MACROD2: variants seen among roughly 807,000 people sequenced by gnomAD.
The protein encoded by MACROD2 is ADP-ribose glycohydrolase MACROD2.
In MACROD2, 36 loss-of-function variants were observed where a neutral mutation model predicts 70.4. That is an observed-to-expected ratio of 0.51 (90% CI 0.39 to 0.68). The LOEUF is 0.68. Among genes scored for constraint, MACROD2 ranks in the 30% least tolerant of loss-of-function variants. The probability of loss-of-function intolerance (pLI) is 0.00; values close to 1 mark genes in which losing one functional copy is unlikely to be tolerated. For missense variants in MACROD2, 496 were observed against 538.4 expected (o/e 0.92, Z 0.78); for synonymous variants, 172 against 178.8 (o/e 0.96, Z 0.30).
intron 3 of MACROD2, among the ~76,000 whole-genome samples, chr20:14,480,615 A>G (rs1187933574): frequency 6.6e-6 from 1 of 152,174 alleles, no homozygotes; most frequent in Non-Finnish European, 1.5e-5. Flanking sequence ...CTTCTGTCTG[A>G]GATTAATATC....
chr20:15,483,930 A>G (rs939161943), intron 7 of MACROD2, among the ~76,000 whole-genome samples: 3 of 152,094 alleles, frequency 2.0e-5, no homozygotes, highest in South Asian at 2.1e-4. Context: ...CAATCTTGCT[A>G]TAATTGCTTA....
At chr20:15,673,978 G>A (rs963526796) in intron 8 of MACROD2, among the ~76,000 whole-genome samples, 6 of 152,124 alleles carry the variant, frequency 3.9e-5, no homozygotes, top group Admixed American at 6.6e-5. Context: ...TGTGGCTACC[G>A]TATTGAAATG....
intron 5 of MACROD2, among the ~76,000 whole-genome samples, chr20:15,039,340 A>G (rs560679032): frequency 6.6e-6 from 1 of 152,178 alleles, no homozygotes; most frequent in Non-Finnish European, 1.5e-5. Context: ...CAAGAAGCTT[A>G]TGACCTGATC....
intron 6 of MACROD2, among the ~76,000 whole-genome samples, chr20:15,259,411 A>C (rs1228076440): frequency 6.6e-6 from 1 of 151,982 alleles, no homozygotes; most frequent in African/African-American, 2.4e-5. Context: ...ACCATTTGAC[A>C]GGCAATGTTG....
intron 5 of MACROD2, among the ~76,000 whole-genome samples, chr20:14,856,184 T>G (rs2073253981): frequency 6.6e-6 from 1 of 152,168 alleles, no homozygotes; most frequent in Non-Finnish European, 1.5e-5. Context: ...TGATCAAATT[T>G]TATTTGTATT....
chr20:15,453,337 C>T (rs1347509854), intron 7 of MACROD2, among the ~76,000 whole-genome samples: 1 of 152,072 alleles, frequency 6.6e-6, no homozygotes. Flanking sequence ...CTTTCTCCCT[C>T]CCTCCCCCTC....
intron 8 of MACROD2, among the ~76,000 whole-genome samples, chr20:15,666,697 C>T (rs2049901981): frequency 6.6e-6 from 1 of 152,166 alleles, no homozygotes; most frequent in Non-Finnish European, 1.5e-5. Flanking sequence ...AGATCAAGCA[C>T]TGGGCATATT....
At chr20:14,564,450 T>A (rs974426897) in intron 4 of MACROD2, among the ~76,000 whole-genome samples, 2 of 151,838 alleles carry the variant, frequency 1.3e-5, no homozygotes, top group African/African-American at 4.8e-5. Flanking sequence ...ACAATGCATC[T>A]GGACAAAGGT....
intron 4 of MACROD2, among the ~76,000 whole-genome samples, chr20:14,537,493 C>T (rs1260285282): frequency 6.6e-6 from 1 of 152,134 alleles, no homozygotes; most frequent in Non-Finnish European, 1.5e-5. Context: ...CTGGCACTTT[C>T]AGCCTGCCCT....
intron 7 of MACROD2, among the ~76,000 whole-genome samples, chr20:15,497,298 C>T (rs532931351): frequency 1.3e-5 from 2 of 151,736 alleles, no homozygotes; most frequent in African/African-American, 4.9e-5. Context: ...CCTCCTTCTC[C>T]TTCTTTTTTT....
intron 8 of MACROD2, among the ~76,000 whole-genome samples, chr20:15,591,210 T>A (rs2048675506): frequency 6.6e-6 from 1 of 152,044 alleles, no homozygotes; most frequent in African/African-American, 2.4e-5. Flanking sequence ...ATCACTAGCT[T>A]GGGAAATAGC....
chr20:15,610,410 C>T (rs964120490), intron 8 of MACROD2, among the ~76,000 whole-genome samples: 3 of 152,126 alleles, frequency 2.0e-5, no homozygotes, highest in Admixed American at 6.5e-5. Context: ...TTCTGATGGC[C>T]GTCGGCAACC....
Position 14,298,400 on chromosome 20 carries a change from T to C in MACROD2, c.272-195079T>C, listed in dbSNP as rs558046010. Among the ~76,000 whole-genome samples the C allele has an allele frequency of 1.8e-4, 27 of 151,804 alleles. No homozygotes were observed. The South Asian group carries it at 5.6e-3, about 31-fold the overall frequency. ...CTGGCCAACATGGTGAAACTCCATC[T>C]CTACTAAAAATACAAAAATTAGCTG... On this transcript the variant is annotated intron_variant, in intron 3 of 17. Transcript: ENST00000684519.
At chr20:14,434,548 A>G (rs6079439) in intron 3 of MACROD2, among the ~76,000 whole-genome samples, 65,957 of 151,784 alleles carry the variant, frequency 0.43, 15,412 homozygotes, top group Non-Finnish European at 0.53. Flanking sequence ...CAGACACCCC[A>G]AGGGCAAGGA....
chr20:15,529,152 G>A (rs1351105369), intron 8 of MACROD2, among the ~76,000 whole-genome samples: 1 of 152,092 alleles, frequency 6.6e-6, no homozygotes, highest in Non-Finnish European at 1.5e-5. Flanking sequence ...CTTGATCATT[G>A]TTCTCAGCCA....
rs548188449 is a variant in MACROD2, at chr20:14,214,411, T to C, written c.271+128683T>C. ...TATTTAGAGCTTTCAAATAGTTGTTTTAAAATTTTTCTTCAGAGTTTGTAG... is the reference window on the plus strand; with the variant it reads ...TATTTAGAGCTTTCAAATAGTTGTTCTAAAATTTTTCTTCAGAGTTTGTAG... On this transcript the variant is annotated intron_variant, in intron 3 of 17. Coordinates refer to ENST00000684519, the MANE Select transcript of MACROD2 (RefSeq NM_001351661.2). 8.5e-5 allele frequency among the ~76,000 whole-genome samples: 13 copies of C among 152,294 alleles called. No individual in the cohort carries two copies. In the East Asian group the frequency reaches 1.7e-3, roughly 20 times the overall value.
At chr20:15,404,088 C>G (rs1361251502) in intron 6 of MACROD2, among the ~76,000 whole-genome samples, 1 of 152,154 alleles carries the variant, frequency 6.6e-6, no homozygotes, top group Non-Finnish European at 1.5e-5. Flanking sequence ...TGCTACAATA[C>G]AATATTTCCA....
chr20:15,043,309 C>T (rs1373921621), intron 5 of MACROD2, among the ~76,000 whole-genome samples: 3 of 152,226 alleles, frequency 2.0e-5, no homozygotes, highest in Admixed American at 1.3e-4. Context: ...TCAGTGCCTG[C>T]ATTCTTGCAT....
intron 8 of MACROD2, among the ~76,000 whole-genome samples, chr20:15,634,348 C>T (rs982298466): frequency 4.6e-5 from 7 of 152,158 alleles, no homozygotes; most frequent in East Asian, 3.9e-4. Flanking sequence ...GTGATTTGAG[C>T]ACTGAGCAAT....
Sources: gnomAD v4.1 joint callset for allele counts (sites outside exome capture counted in the v4.1 genomes callset) on GRCh38, gnomAD v4.1.1 for gene constraint, MANE v1.5 for transcripts, NCBI Gene and HGNC (gene_info 2026-07-23, HGNC 2026-07-21) for gene names.